The following TRPV1 variants were observed in gnomAD, a reference collection of about 807,000 sequenced individuals.
The protein encoded by TRPV1 is transient receptor potential cation channel subfamily V member 1.
TRPV1 carries 82 observed loss-of-function variants against 82.3 expected under a neutral mutation model. The observed-to-expected ratio is 1.00, with a 90% confidence interval of 0.83 to 1.20. TRPV1 has a LOEUF of 1.20. Among genes scored for constraint, TRPV1 ranks in the 50% most tolerant of loss-of-function variants. The pLI, the probability that TRPV1 is intolerant of heterozygous loss-of-function variation, is 0.00. For missense variants in TRPV1, 1,067 were observed against 1,096.8 expected (o/e 0.97, Z 0.38); for synonymous variants, 515 against 467.7 (o/e 1.10, Z -1.30).
intron 2 of TRPV1, chr17:3,597,162 G>A (rs983596464): frequency 6.5e-6 from 1 of 153,864 alleles, no homozygotes; most frequent in Non-Finnish European, 1.4e-5. Context: ...CTGATTCCCA[G>A]AGGATCCCAA....
chr17:3,602,463 G>A (rs2075270417), intron 2 of TRPV1, among the ~76,000 whole-genome samples: 1 of 152,214 alleles, frequency 6.6e-6, no homozygotes, highest in Admixed American at 6.5e-5. Flanking sequence ...CATCAGTGTG[G>A]TTTTCTGGGT....
At chr17:3,573,015 A>G (rs2074878607) in intron 14 of TRPV1, among the ~76,000 whole-genome samples, 1 of 151,142 alleles carries the variant, frequency 6.6e-6, no homozygotes, top group South Asian at 2.1e-4. Flanking sequence ...AAAAAGGAAC[A>G]GTAATAGAAT....
At chr17:3,586,108 C>T (rs551163522) in intron 8 of TRPV1, among the ~76,000 whole-genome samples, 182 bp from the exon 9 acceptor site, 2 of 152,334 alleles carry the variant, frequency 1.3e-5, no homozygotes, top group South Asian at 2.1e-4. Flanking sequence ...AGCACTGCCG[C>T]GGCTCACGGA....
At chr17:3,570,060 T>C (rs976158400) in intron 16 of TRPV1, among the ~76,000 whole-genome samples, 1 of 148,686 alleles carries the variant, frequency 6.7e-6, no homozygotes, top group Non-Finnish European at 1.5e-5. Flanking sequence ...GGAGTTGTTT[T>C]AAGGGCACAG....
Position 3,589,522 on chromosome 17 carries a change from C to T in TRPV1, c.1044+285G>A, listed in dbSNP as rs1487498230. ...CAGCCCAACAGCTATTCTTCTGTTC[C>T]ACCCTAGGCAGTCCCTCCTCCATTG... On this transcript the variant is annotated intron_variant, in intron 7 of 16. Coordinates refer to ENST00000572705, the MANE Select transcript of TRPV1 (RefSeq NM_080704.4). Among the ~76,000 whole-genome samples, 3 of 152,114 alleles carry T rather than the reference C, an allele frequency of 2.0e-5. No individual in the cohort carries two copies. In the East Asian group the frequency reaches 5.8e-4, roughly 29 times the overall value.
chr17:3,584,780 A>G (rs1224275946), intron 9 of TRPV1, among the ~76,000 whole-genome samples: 2 of 152,350 alleles, frequency 1.3e-5, no homozygotes, highest in African/African-American at 4.8e-5. Flanking sequence ...TGGGTGATAG[A>G]GCGAGACTCC....
At chr17:3,605,948 ATTATTTATTTAT>A (rs142109436) in intron 2 of TRPV1, among the ~76,000 whole-genome samples, 10 of 150,146 alleles carry the variant, frequency 6.7e-5, no homozygotes, top group Non-Finnish European at 1.3e-4. Flanking sequence ...TCAAAGGTTT[ATTATTTATTTAT>A]TTATTTATTT....
In TRPV1 at chr17:3,571,656, C is replaced by T. The variant is rs756033970; in HGVS notation, c.2232-17G>A. On this transcript the variant is annotated splice_polypyrimidine_tract_variant and intron_variant, in intron 15 of 16. Transcript: ENST00000572705. ...TCGTCCACCCTGCAGGGTAAGGGGT[C>T]GGGAGAGCCTGAGAGCTGTGCCCAG... 19 of 1,584,562 alleles carry T rather than the reference C, an allele frequency of 1.2e-5. No individual in the cohort carries two copies. The highest frequency in any genetic ancestry group is 3.4e-5 in the South Asian group (3 of 87,464).
chr17:3,591,493 T>A, intron 3 of TRPV1, 140 bp from the exon 4 acceptor site: 1 of 980,966 alleles, frequency 1.0e-6, no homozygotes, highest in African/African-American at 1.6e-5. Context: ...CCCCTCAGTC[T>A]AGGTGACTGT....
Position 3,577,145 on chromosome 17 carries a change from G to C in TRPV1, c.1761C>G (p.Phe587Leu). The C allele has an allele frequency of 1.9e-6, 3 of 1,588,672 alleles. No homozygotes were observed. The highest frequency in any genetic ancestry group is 1.7e-6 in the Non-Finnish European group (2 of 1,167,940). Residue 587 changes from phenylalanine to leucine, a missense_variant, in exon 13 of 17, where the codon TTC (phenylalanine) becomes TTG (leucine). By Grantham distance (22) the Phe-to-Leu change is conservative (BLOSUM62 0). Transcript: ENST00000572705. The stretch of plus-strand genomic sequence containing the variant: ...CATTACCTGTGGAAAACCCGAACAA[G>C]AAGACGATGTAGACAAACATGAAAC... Reference protein sequence around the residue: ...LCRFMFVYIVFLFGFSTAVVT... With the variant: ...LCRFMFVYIVLLFGFSTAVVT...
intron 11 of TRPV1, among the ~76,000 whole-genome samples, chr17:3,580,033 G>A (rs974436480): frequency 1.7e-4 from 13 of 75,536 alleles, no homozygotes; most frequent in Admixed American, 2.6e-4. Context: ...CCCCCGCCCC[G>A]CCCCGCCCCC....
chr17:3,583,342 C>A lies in TRPV1; in HGVS notation c.1472G>T (p.Arg491Leu). The change falls in exon 10 of 17, where the codon CGA (arginine) becomes CTA (leucine). Residue 491 changes from arginine to leucine, a missense_variant. Transcript: ENST00000572705. ...AATGTGGGAAGGAACGCTTACCCCT[C>A]GGAAAAAGAAGTAGACTCCTCCTAA... ...SVLGGVYFFF[R>L]GIQYFLQRRP... The A allele has an allele frequency of 6.2e-7, 1 of 1,607,196 alleles. No homozygotes were observed. The highest frequency in any genetic ancestry group is 1.3e-5 in the African/African-American group (1 of 74,944).
chr17:3,592,610 T>G, intron 2 of TRPV1: 1 of 531,580 alleles, frequency 1.9e-6, no homozygotes, highest in Non-Finnish European at 3.3e-6. Context: ...CTGCGGCCAC[T>G]GACGTCGGCC....
chr17:3,569,364 T>C (rs955961410), intron 16 of TRPV1, among the ~76,000 whole-genome samples: 4 of 151,336 alleles, frequency 2.6e-5, no homozygotes, highest in South Asian at 2.1e-4. Flanking sequence ...AAGGCGGAGG[T>C]TGCAGTGAGC....
chr17:3,598,378 C>T lies in TRPV1; in HGVS notation c.-33-5995G>A, dbSNP rs553289983. 6.6e-5 allele frequency among the ~76,000 whole-genome samples: 10 copies of T among 152,268 alleles called. No individual in the cohort carries two copies. In the South Asian group the frequency reaches 1.7e-3, roughly 25 times the overall value. ...CTTTCCCAAACCCGCTCTCGCAGGC[C>T]GTACAGCAACCCCGGGCAGTGGGAG... On this transcript the variant is annotated intron_variant, in intron 2 of 16. Coordinates refer to ENST00000572705, the MANE Select transcript of TRPV1 (RefSeq NM_080704.4).
At chr17:3,592,589 C>T (rs771110957) in intron 2 of TRPV1, 102 of 580,610 alleles carry the variant, frequency 1.8e-4, no homozygotes, top group Non-Finnish European at 2.8e-4. Context: ...CCTAGCAGGG[C>T]CCAGGCAGTC....
intron 10 of TRPV1, among the ~76,000 whole-genome samples, chr17:3,581,814 G>A (rs2075017203): frequency 6.8e-6 from 1 of 147,750 alleles, no homozygotes; most frequent in Admixed American, 6.9e-5. Context: ...GAACCCAGGA[G>A]GTGGAGGTTG....
At chr17:3,598,732 AT>A (rs2075240478) in intron 2 of TRPV1, among the ~76,000 whole-genome samples, 1 of 150,862 alleles carries the variant, frequency 6.6e-6, no homozygotes, top group African/African-American at 2.4e-5. Flanking sequence ...CGCCTGGCTA[AT>A]TTTTGTGTTT....
Position 3,572,147 on chromosome 17 carries a change from T to C in TRPV1, c.2206A>G (p.Lys736Glu), listed in dbSNP as rs201249556. The C allele has an allele frequency of 1.6e-4, 253 of 1,613,596 alleles. 3 individuals carry two copies. The highest frequency in any genetic ancestry group is 5.1e-6 in the Non-Finnish European group (6 of 1,179,694). The change falls in exon 15 of 17, where the codon AAG becomes GAG. Residue 736 changes from lysine to glutamate, a missense_variant. Physicochemically the swap from Lys to Glu is moderately conservative, Grantham distance 56 (BLOSUM62 1). Coordinates refer to ENST00000572705, the MANE Select transcript of TRPV1 (RefSeq NM_080704.4). ...LLQVGYTPDG[K>E]DDYRWCFRVD... ...CTGAAGCACCACCGGTAGTCGTCCT[T>C]GCCATCAGGTGTGTACCCCACCTGC...
Sources: allele counts gnomAD v4.1 joint callset (sites outside exome capture counted in the v4.1 genomes callset), GRCh38; gene constraint gnomAD v4.1.1; transcripts MANE v1.5; gene names NCBI Gene and HGNC (gene_info 2026-07-23, HGNC 2026-07-21).